Variants in ATP13A5 observed in about 807,000 individuals in gnomAD.
ATP13A5 encodes ATPase 13A5.
A neutral mutation model predicts 150.2 loss-of-function variants in ATP13A5; 149 were observed. The observed-to-expected ratio is 0.99, with a 90% confidence interval of 0.87 to 1.14. The LOEUF (loss-of-function observed/expected upper bound fraction) is 1.14, where lower values mean the gene tolerates loss of function less well. ATP13A5 is among the 50% of genes most tolerant of loss of function. The pLI, the probability that ATP13A5 is intolerant of heterozygous loss-of-function variation, is 0.00. For synonymous variants in ATP13A5, 497 were observed against 522.2 expected (o/e 0.95, Z 0.66); for missense variants, 1,383 against 1,449.3 (o/e 0.95, Z 0.74).
chr3:193,333,687 C>CT, intron 11 of ATP13A5, 63 bp downstream of exon 11: 1 of 1,473,844 alleles, frequency 6.8e-7, no homozygotes, highest in Non-Finnish European at 9.3e-7. Context: ...AACCAATCCT[C>CT]TGAGTTAGGT....
chr3:193,360,075 A>G (rs910880029), intron 5 of ATP13A5, among the ~76,000 whole-genome samples: 1 of 152,220 alleles, frequency 6.6e-6, no homozygotes, highest in African/African-American at 2.4e-5. Context: ...GTGATATAAA[A>G]GAATTACCTT....
At chr3:193,312,881 A>G (rs1718907571) in intron 19 of ATP13A5, 2 of 152,174 alleles carry the variant, frequency 1.3e-5, no homozygotes, top group African/African-American at 4.8e-5. Context: ...TCCTGAGACA[A>G]GGGCAGGAAT....
At chr3:193,313,827 A>G in intron 19 of ATP13A5, 2 of 569,450 alleles carry the variant, frequency 3.5e-6, no homozygotes, top group Non-Finnish European at 6.1e-6. Flanking sequence ...TAATTGGTGC[A>G]GCCTGCACTG....
rs746226695 is a variant in ATP13A5, at chr3:193,289,942, A to T, written c.2966T>A (p.Ile989Asn). ...CTGCTTCACATAGAGAAATGCACTGATCTGCACAATGCAGGAGAAACAGGA... is the reference window on the plus strand; with the variant it reads ...CTGCTTCACATAGAGAAATGCACTGTTCTGCACAATGCAGGAGAAACAGGA... ...LNSCFSCIVQ[I>N]SAFLYVKQQP... Residue 989 changes from isoleucine (I) to asparagine (N), a missense_variant, in exon 26 of 30, where the codon ATC becomes AAC. Coordinates refer to ENST00000342358, the MANE Select transcript of ATP13A5 (RefSeq NM_198505.4). 9.9e-6 allele frequency: 16 copies of T among 1,612,916 alleles called. No individual in the cohort carries two copies. The South Asian group carries it at 1.8e-4, about 18-fold the overall frequency.
At chr3:193,341,548 T>A (rs954707291) in intron 9 of ATP13A5, among the ~76,000 whole-genome samples, 1 of 152,090 alleles carries the variant, frequency 6.6e-6, no homozygotes, top group Non-Finnish European at 1.5e-5. Flanking sequence ...AGCACCAGGA[T>A]CTGCTGCCCT....
chr3:193,279,160 G>C (rs765198901), intron 28 of ATP13A5, among the ~76,000 whole-genome samples: 1 of 152,110 alleles, frequency 6.6e-6, no homozygotes, highest in Non-Finnish European at 1.5e-5. Context: ...CAGGATAAAT[G>C]TACCCAATAA....
At chr3:193,378,583 C>G (rs1165970692) in intron 1 of ATP13A5, 80 bp downstream of exon 1, 2 of 1,249,820 alleles carry the variant, frequency 1.6e-6, no homozygotes, top group Non-Finnish European at 2.3e-6. Flanking sequence ...ATGCTACACT[C>G]TATTTTCTAA....
Position 193,322,712 on chromosome 3 carries a change from T to C in ATP13A5, c.1675-138A>G, listed in dbSNP as rs187306594. On this transcript the variant is annotated intron_variant, in intron 14 of 29. Transcript: ENST00000342358. ...TCTTCCAGGCCAATTATCTTAATAC[T>C]GTCATTGTCAAATTTCTGTTGTATC... 1.7e-3 allele frequency: 1,075 copies of C among 637,174 alleles called. 4 individuals carry two copies. The highest frequency in any genetic ancestry group is 2.4e-3 in the Non-Finnish European group (906 of 376,452). The allele number at this position is 637,174 out of a possible 1,614,324, so 39.5% of individuals were successfully genotyped here. A position where few individuals can be genotyped will look rare whatever the true frequency, so the allele number is the denominator to read the frequency against.
At chr3:193,282,167 C>G (rs887389681) in intron 27 of ATP13A5, among the ~76,000 whole-genome samples, 1 of 151,856 alleles carries the variant, frequency 6.6e-6, no homozygotes, top group Non-Finnish European at 1.5e-5. Flanking sequence ...TGCACTCCAG[C>G]CTGGGTGAAA....
At chr3:193,296,932 A>G (rs1718197512) in intron 25 of ATP13A5, among the ~76,000 whole-genome samples, 1 of 152,044 alleles carries the variant, frequency 6.6e-6, no homozygotes, top group African/African-American at 2.4e-5. Context: ...ATGGACACAT[A>G]GTGGGAGACA....
At chr3:193,375,943 C>T (rs925427437) in intron 1 of ATP13A5, among the ~76,000 whole-genome samples, 6 of 152,190 alleles carry the variant, frequency 3.9e-5, no homozygotes, top group African/African-American at 1.4e-4. Flanking sequence ...CACAGTGACT[C>T]TCACGATCAC....
chr3:193,334,003 T>C, intron 10 of ATP13A5, 96 bp from the exon 11 acceptor site: 1 of 1,091,782 alleles, frequency 9.2e-7, no homozygotes, highest in Non-Finnish European at 1.3e-6. Flanking sequence ...GAGTAGAGTG[T>C]CCTCTAACCT....
intron 26 of ATP13A5, among the ~76,000 whole-genome samples, chr3:193,288,027 T>C (rs1717789972): frequency 6.6e-6 from 1 of 152,138 alleles, no homozygotes; most frequent in Non-Finnish European, 1.5e-5. Context: ...GCAAGAGAAC[T>C]GGAATTAGAA....
At chr3:193,327,749 C>G (rs1719517374) in intron 12 of ATP13A5, among the ~76,000 whole-genome samples, 1 of 152,094 alleles carries the variant, frequency 6.6e-6, no homozygotes, top group South Asian at 2.1e-4. Flanking sequence ...TTTTAATTTC[C>G]TCATTGTTTC....
chr3:193,313,951 G>A (rs2108854175), intron 19 of ATP13A5, 82 bp downstream of exon 19: 2 of 1,454,314 alleles, frequency 1.4e-6, no homozygotes, highest in East Asian at 2.3e-5. Flanking sequence ...GATGACTCCT[G>A]GAGTTGAGAG....
At chr3:193,284,140 C>T (rs757216118) in intron 27 of ATP13A5, among the ~76,000 whole-genome samples, 52 of 151,694 alleles carry the variant, frequency 3.4e-4, no homozygotes, top group Non-Finnish European at 1.6e-4. Context: ...CTCACCTCAG[C>T]CTCCCCAAGT....
At chr3:193,345,513 A>T (rs565774245) in intron 7 of ATP13A5, among the ~76,000 whole-genome samples, 37 of 152,160 alleles carry the variant, frequency 2.4e-4, no homozygotes, top group Non-Finnish European at 3.4e-4. Flanking sequence ...AAGGGAAATG[A>T]CTACAGAACT....
intron 25 of ATP13A5, 40 bp from the exon 26 acceptor site, chr3:193,290,099 C>A: frequency 6.5e-7 from 1 of 1,547,176 alleles, no homozygotes; most frequent in Non-Finnish European, 8.7e-7. Flanking sequence ...ACAATCTTAT[C>A]ATTGAGAATA....
intron 1 of ATP13A5, 140 bp downstream of exon 1, chr3:193,378,522 AG>A (rs1380624849): frequency 8.0e-6 from 6 of 745,934 alleles, no homozygotes; most frequent in Non-Finnish European, 1.1e-5. Flanking sequence ...GCAGCCCTTA[AG>A]GAACCTTACC....
Sources: allele counts gnomAD v4.1 joint callset (sites outside exome capture counted in the v4.1 genomes callset), GRCh38; gene constraint gnomAD v4.1.1; transcripts MANE v1.5; gene names NCBI Gene and HGNC (gene_info 2026-07-23, HGNC 2026-07-21).